Variants in GDA observed in about 807,000 individuals in gnomAD.
The protein encoded by GDA is guanine deaminase.
A neutral mutation model predicts 59.6 loss-of-function variants in GDA; 18 were observed. That is an observed-to-expected ratio of 0.30 (90% CI 0.21 to 0.45). GDA has a LOEUF of 0.45. Among genes scored for constraint, GDA ranks in the 20% least tolerant of loss-of-function variants. The probability of loss-of-function intolerance (pLI) is 1.00; values close to 1 mark genes in which losing one functional copy is unlikely to be tolerated. For synonymous variants in GDA, 201 were observed against 201.1 expected, an observed-to-expected ratio of 1.00 and a Z score of 0.00; for missense variants, 427 against 552.3, an observed-to-expected ratio of 0.77 and a Z score of 2.27.
chr9:72,127,765 G>A (rs1018582876), intron 1 of GDA, among the ~76,000 whole-genome samples: 2 of 151,992 alleles, frequency 1.3e-5, no homozygotes, highest in East Asian at 3.9e-4. Flanking sequence ...CTGTCTTGTC[G>A]TGAGGATCAA....
chr9:72,235,022 A>G (rs756322071), intron 10 of GDA, among the ~76,000 whole-genome samples: 1 of 152,206 alleles, frequency 6.6e-6, no homozygotes, highest in Non-Finnish European at 1.5e-5. Flanking sequence ...GAAAATCTAC[A>G]TCATTCAATG....
At chr9:72,177,468 A>G (rs1830681909) in intron 1 of GDA, among the ~76,000 whole-genome samples, 1 of 152,222 alleles carries the variant, frequency 6.6e-6, no homozygotes. Flanking sequence ...TGCAAAAATT[A>G]GTAAAACTAG....
chr9:72,209,949 T>C (rs1184848846), intron 3 of GDA, among the ~76,000 whole-genome samples: 1 of 152,176 alleles, frequency 6.6e-6, no homozygotes, highest in East Asian at 1.9e-4. Flanking sequence ...TACCTTCTCT[T>C]TTGGAGCTTG....
chr9:72,140,827 G>A (rs1826414449), intron 1 of GDA, among the ~76,000 whole-genome samples: 1 of 152,172 alleles, frequency 6.6e-6, no homozygotes, highest in African/African-American at 2.4e-5. Context: ...TCTGTAGTCT[G>A]AGATCTAAGG....
intron 1 of GDA, among the ~76,000 whole-genome samples, chr9:72,150,886 C>A (rs1827124458): frequency 6.6e-6 from 1 of 152,148 alleles, no homozygotes; most frequent in Non-Finnish European, 1.5e-5. Flanking sequence ...GACTGATGAA[C>A]CCATGCTTGG....
At chr9:72,159,619 G>A (rs1183033842) in intron 1 of GDA, among the ~76,000 whole-genome samples, 1 of 152,054 alleles carries the variant, frequency 6.6e-6, no homozygotes, top group Non-Finnish European at 1.5e-5. Context: ...AGATTCTCCA[G>A]AAGCTTAAAT....
chr9:72,199,789 G>A (rs1019954189), intron 2 of GDA, among the ~76,000 whole-genome samples: 2 of 151,842 alleles, frequency 1.3e-5, no homozygotes, highest in Non-Finnish European at 2.9e-5. Context: ...CTTCTTTACT[G>A]TCCCTGACAC....
intron 1 of GDA, among the ~76,000 whole-genome samples, chr9:72,163,772 G>A (rs987146201): frequency 6.6e-6 from 1 of 152,318 alleles, no homozygotes; most frequent in East Asian, 1.9e-4. Flanking sequence ...GATTACAGGC[G>A]TGAGCCACCA....
chr9:72,172,403 G>A (rs1475880572), intron 1 of GDA, among the ~76,000 whole-genome samples: 2 of 152,138 alleles, frequency 1.3e-5, no homozygotes, highest in Non-Finnish European at 2.9e-5. Context: ...CTTTGTAAGT[G>A]AGAAATTGAG....
chr9:72,213,008 C>T (rs145405884), intron 4 of GDA, among the ~76,000 whole-genome samples: 1 of 152,158 alleles, frequency 6.6e-6, no homozygotes, highest in South Asian at 2.1e-4. Flanking sequence ...CAGTGGCTCA[C>T]GCCTGCAATC....
At chr9:72,208,978 AT>A (rs34453023) in intron 3 of GDA, among the ~76,000 whole-genome samples, 1 of 151,962 alleles carries the variant, frequency 6.6e-6, no homozygotes, top group African/African-American at 2.4e-5. Context: ...TTTACTTAGG[AT>A]TTTTGGTTAC....
intron 1 of GDA, among the ~76,000 whole-genome samples, chr9:72,181,353 G>A (rs1006768673): frequency 1.3e-5 from 2 of 148,878 alleles, no homozygotes; most frequent in Non-Finnish European, 3.0e-5. Flanking sequence ...TTTTTTGTGT[G>A]TGTCACTTGT....
intron 5 of GDA, among the ~76,000 whole-genome samples, chr9:72,217,524 T>G (rs1345892023): frequency 6.6e-6 from 1 of 152,226 alleles, no homozygotes; most frequent in Admixed American, 6.5e-5. Context: ...GGTCACTGTG[T>G]GGGTTTGTCC....
chr9:72,153,652 A>G (rs1330298587), intron 1 of GDA, among the ~76,000 whole-genome samples: 1 of 151,586 alleles, frequency 6.6e-6, no homozygotes. Flanking sequence ...ATGCAGCCAT[A>G]AAAAATGATG....
Position 72,251,012 on chromosome 9 carries a change from G to T in GDA, c.*2670G>T. On this transcript the variant is annotated 3_prime_UTR_variant, in exon 14 of 14. Transcript: ENST00000358399. ...TTGTCCTAAACAGACCAAGGAGACTGTTCCCTAATTTATTCTCTTGGCTGG... is the reference window on the plus strand; with the variant it reads ...TTGTCCTAAACAGACCAAGGAGACTTTTCCCTAATTTATTCTCTTGGCTGG... The T allele has an allele frequency of 1.7e-6, 1 of 573,426 alleles. No homozygotes were observed. The highest frequency in any genetic ancestry group is 3.1e-6 in the Non-Finnish European group (1 of 325,496). The allele number at this position is 573,426 out of a possible 1,614,324, so 35.5% of individuals were successfully genotyped here.
chr9:72,158,872 C>CCATCATCATCAT (rs113332500), intron 1 of GDA, among the ~76,000 whole-genome samples: 8 of 150,624 alleles, frequency 5.3e-5, no homozygotes, highest in Admixed American at 4.6e-4. Context: ...GGTAAGGACA[C>CCATCATCATCAT]CATCATCATC....
At position 72,159,875 on chromosome 9, in the gene GDA, ATT is replaced by A. The variant is rs1243401252; in HGVS notation, c.123+10194_123+10195del. The stretch of plus-strand genomic sequence containing the variant: ...CAATTTATTTTATTTTAAAATTTGT[ATT>A]CTTTTTCTTAATTGCAGTAAAAAAT... On this transcript the variant is annotated intron_variant, in intron 1 of 13. Transcript: ENST00000358399. Among the ~76,000 whole-genome samples the A allele has an allele frequency of 3.3e-5, 5 of 152,294 alleles. No individual in the cohort carries two copies. The East Asian group carries it at 9.6e-4, about 29-fold the overall frequency.
chr9:72,172,827 T>A (rs1830118575), intron 1 of GDA, among the ~76,000 whole-genome samples: 1 of 152,206 alleles, frequency 6.6e-6, no homozygotes, highest in Admixed American at 6.5e-5. Context: ...TTTCTTCTTT[T>A]TCTAATTTCT....
At chr9:72,202,489 G>A (rs1834120382) in intron 2 of GDA, 82 bp from the exon 3 acceptor site, 1 of 935,876 alleles carries the variant, frequency 1.1e-6, no homozygotes, top group African/African-American at 1.7e-5. Context: ...GTGAAATCAT[G>A]CTTGGGAAAA....
Sources: allele counts gnomAD v4.1 joint callset (sites outside exome capture counted in the v4.1 genomes callset), GRCh38; gene constraint gnomAD v4.1.1; transcripts MANE v1.5; gene names NCBI Gene and HGNC (gene_info 2026-07-23, HGNC 2026-07-21).